DPYS: variants seen among roughly 807,000 people sequenced by gnomAD.
The protein encoded by DPYS is dihydropyrimidine amidohydrolase.
A neutral mutation model predicts 50.3 loss-of-function variants in DPYS; 39 were observed. The observed-to-expected ratio is 0.78, with a 90% CI of 0.60 to 1.01. The LOEUF (loss-of-function observed/expected upper bound fraction) is 1.01, where lower values mean the gene tolerates loss of function less well. Ranked by LOEUF, DPYS falls within the 50% of genes least tolerant of loss-of-function variation. DPYS has a pLI of 0.00. For missense variants in DPYS, 659 were observed against 680.9 expected (o/e 0.97, Z 0.36); for synonymous variants, 245 against 250.7 (o/e 0.98, Z 0.22).
At chr8:104,405,014 G>A (rs1394361341) in intron 7 of DPYS, among the ~76,000 whole-genome samples, 1 of 151,580 alleles carries the variant, frequency 6.6e-6, no homozygotes, top group Non-Finnish European at 1.5e-5. Flanking sequence ...AACTTGGTGT[G>A]AGAGAGCCAC....
Position 104,466,708 on chromosome 8 carries a change from C to T in DPYS, c.213G>A (p.Gln71=). The change falls in exon 1 of 10, where the codon CAG becomes CAA. Residue 71 remains glutamine (Q), a synonymous_variant. Transcript: ENST00000351513. The stretch of plus-strand genomic sequence containing the variant: ...TGGACCGCGAGCCCATGAAGGGGAA[C>T]TGCATGTGCGTGTGTGTGTCGATGC... ...PGGIDTHTHM[Q]FPFMGSRSID... 1.3e-6 allele frequency: 2 copies of T among 1,533,972 alleles called. No individual in the cohort carries two copies. Among genetic ancestry groups the T allele is most frequent in the Non-Finnish European group, 1.7e-6 (2 of 1,144,574 alleles).
At chr8:104,418,034 T>G (rs552925819) in intron 7 of DPYS, among the ~76,000 whole-genome samples, 85 of 152,386 alleles carry the variant, frequency 5.6e-4, no homozygotes, top group African/African-American at 1.9e-3. Context: ...CAAGCATACT[T>G]ACGTCTACAT....
At chr8:104,449,645 C>T (rs916141366) in intron 2 of DPYS, among the ~76,000 whole-genome samples, 2 of 152,224 alleles carry the variant, frequency 1.3e-5, no homozygotes, top group African/African-American at 4.8e-5. Context: ...TCCAATGTAA[C>T]TGCTGCCCTT....
At chr8:104,406,943 C>T (rs1353386679) in intron 7 of DPYS, among the ~76,000 whole-genome samples, 1 of 152,168 alleles carries the variant, frequency 6.6e-6, no homozygotes, top group Non-Finnish European at 1.5e-5. Flanking sequence ...CGTTTTGCTT[C>T]CAAAAGCATT....
chr8:104,431,404 T>C (rs1812951659), intron 4 of DPYS, among the ~76,000 whole-genome samples: 1 of 151,386 alleles, frequency 6.6e-6, no homozygotes, highest in South Asian at 2.1e-4. Flanking sequence ...AAACTCTTCG[T>C]TAACTGGGCT....
intron 7 of DPYS, among the ~76,000 whole-genome samples, chr8:104,398,769 T>G (rs540103146): frequency 2.6e-5 from 4 of 152,278 alleles, no homozygotes; most frequent in African/African-American, 9.6e-5. Context: ...ATATAGCACA[T>G]GGGAACAGAC....
intron 7 of DPYS, among the ~76,000 whole-genome samples, chr8:104,393,875 G>A (rs2140523717): frequency 6.6e-6 from 1 of 152,248 alleles, no homozygotes; most frequent in Admixed American, 6.5e-5. Context: ...GTTCTTTAGT[G>A]GTGATTTGTG....
intron 1 of DPYS, among the ~76,000 whole-genome samples, chr8:104,455,555 C>T (rs764619339): frequency 6.6e-6 from 1 of 152,174 alleles, no homozygotes; most frequent in Non-Finnish European, 1.5e-5. Flanking sequence ...TGCTTGGGCA[C>T]GTGTCCACCT....
intron 7 of DPYS, among the ~76,000 whole-genome samples, chr8:104,397,339 G>T (rs967682602): frequency 6.6e-6 from 1 of 152,186 alleles, no homozygotes; most frequent in Non-Finnish European, 1.5e-5. Context: ...AGACTAGGTT[G>T]GTTTAGCTTC....
At chr8:104,439,771 A>AG (rs1390674197) in intron 4 of DPYS, among the ~76,000 whole-genome samples, 3 of 152,060 alleles carry the variant, frequency 2.0e-5, no homozygotes, top group African/African-American at 7.2e-5. Context: ...GGTGACAGAG[A>AG]GACTCTGTCT....
chr8:104,450,915 T>C (rs1266429704), intron 2 of DPYS, among the ~76,000 whole-genome samples: 1 of 152,176 alleles, frequency 6.6e-6, no homozygotes, highest in Non-Finnish European at 1.5e-5. Context: ...TCGGGGGATA[T>C]TGAATTTAAG....
chr8:104,385,784 C>A (rs941842560), intron 8 of DPYS, among the ~76,000 whole-genome samples: 1 of 152,168 alleles, frequency 6.6e-6, no homozygotes, highest in African/African-American at 2.4e-5. Flanking sequence ...TTGGCTCTCT[C>A]CCTTCTTCTC....
intron 1 of DPYS, among the ~76,000 whole-genome samples, chr8:104,465,255 TAGAA>T (rs1814320672): frequency 8.7e-6 from 1 of 115,162 alleles, no homozygotes; most frequent in South Asian, 2.6e-4. Flanking sequence ...AACATGGGAA[TAGAA>T]AGAAAGAGAG....
intron 7 of DPYS, among the ~76,000 whole-genome samples, chr8:104,402,106 T>C (rs753922567): frequency 2.6e-5 from 4 of 152,240 alleles, no homozygotes; most frequent in Non-Finnish European, 5.9e-5. Flanking sequence ...ATATAGGTCA[T>C]GGATGGTGAT....
chr8:104,465,608 G>T (rs1242938226), intron 1 of DPYS, among the ~76,000 whole-genome samples: 1 of 152,080 alleles, frequency 6.6e-6, no homozygotes, highest in Non-Finnish European at 1.5e-5. Flanking sequence ...AATGTTGCAG[G>T]GGTGTCCAAT....
intron 7 of DPYS, among the ~76,000 whole-genome samples, chr8:104,406,244 G>A (rs1363029603): frequency 1.3e-5 from 2 of 152,152 alleles, no homozygotes; most frequent in African/African-American, 4.8e-5. Context: ...TCCCAACTCT[G>A]TCCTTTCCAG....
intron 6 of DPYS, among the ~76,000 whole-genome samples, chr8:104,426,389 A>G (rs1371920555): frequency 2.0e-5 from 3 of 152,220 alleles, no homozygotes; most frequent in Non-Finnish European, 4.4e-5. Context: ...GTACTGGAGT[A>G]AAGAATACAC....
Position 104,419,052 on chromosome 8 carries a change from C to A in DPYS, c.1235+5195G>T, listed in dbSNP as rs146316935. 522 of 985,432 alleles carry A rather than the reference C, an allele frequency of 5.3e-4. 1 individual carries two copies. In the African/African-American group the frequency reaches 7.9e-3, roughly 15 times the overall value. The allele number at this position is 985,432 out of a possible 1,614,324, so 61.0% of individuals were successfully genotyped here. On this transcript the variant is annotated intron_variant, in intron 7 of 9. Transcript: ENST00000351513. The stretch of plus-strand genomic sequence containing the variant: ...CTGCTTAACAAACTCGTTGCTCCAA[C>A]CTAAAAAATGAAGGGGCACTTAAAG...
intron 7 of DPYS, among the ~76,000 whole-genome samples, chr8:104,413,711 T>C (rs370575857): frequency 7.9e-5 from 12 of 152,212 alleles, no homozygotes; most frequent in African/African-American, 2.9e-4. Flanking sequence ...TGCTCACAAT[T>C]ACTGTTTTGG....
Sources: gnomAD v4.1 joint callset for allele counts (sites outside exome capture counted in the v4.1 genomes callset) on GRCh38, gnomAD v4.1.1 for gene constraint, MANE v1.5 for transcripts, NCBI Gene and HGNC (gene_info 2026-07-23, HGNC 2026-07-21) for gene names.